Variants in ACSS1 observed in about 807,000 individuals in gnomAD.
The protein encoded by ACSS1 is acyl-CoA synthetase short chain family member 1.
ACSS1 carries 42 observed loss-of-function variants against 75.3 expected under a neutral mutation model. The ratio of observed to expected loss-of-function variants is 0.56; its 90% confidence interval spans 0.44 to 0.72. The LOEUF (loss-of-function observed/expected upper bound fraction) is 0.72, where lower values mean the gene tolerates loss of function less well. Ranked by LOEUF, ACSS1 falls within the 30% of genes least tolerant of loss-of-function variation. The probability of loss-of-function intolerance (pLI) is 0.00; values close to 1 mark genes in which losing one functional copy is unlikely to be tolerated. For missense variants in ACSS1, 782 were observed against 935.7 expected (o/e 0.84, Z 2.14); for synonymous variants, 380 against 376.8 (o/e 1.01, Z -0.10).
chr20:25,011,882 G>A (rs995567193), intron 12 of ACSS1: 1 of 152,568 alleles, frequency 6.6e-6, no homozygotes, highest in Non-Finnish European at 1.5e-5. Flanking sequence ...GGCAGGGCAG[G>A]AGAAGCCAGT....
At position 25,044,356 on chromosome 20, in the gene ACSS1, G is replaced by A. The variant is rs116658731; in HGVS notation, c.431+3729C>T. Among the ~76,000 whole-genome samples the A allele has an allele frequency of 3.1e-3, 475 of 152,324 alleles. 2 individuals are homozygous for A. The highest frequency in any genetic ancestry group is 0.011 in the African/African-American group (440 of 41,580). On this transcript the variant is annotated intron_variant, in intron 2 of 13. Coordinates refer to ENST00000323482, the MANE Select transcript of ACSS1 (RefSeq NM_032501.4). ...TCTAAAACAGGCACCGGCCAGGCGC[G>A]GTGGCTCACACCTGCAATCCCAGTA... is the stretch of plus-strand genomic sequence containing the variant.
intron 3 of ACSS1, 112 bp downstream of exon 3, chr20:25,030,647 C>A: frequency 8.1e-7 from 1 of 1,231,532 alleles, no homozygotes; most frequent in South Asian, 1.3e-5. Context: ...TGTCATTTGT[C>A]TGTGTGACAT....
intron 4 of ACSS1, 29 bp from the exon 5 acceptor site, chr20:25,023,121 C>T (rs2088653621): frequency 6.2e-7 from 1 of 1,600,004 alleles, no homozygotes. Context: ...AAACAGCCCA[C>T]CGAGGGCACT....
chr20:25,050,872 G>A (rs973829865), intron 1 of ACSS1, among the ~76,000 whole-genome samples: 4 of 152,150 alleles, frequency 2.6e-5, no homozygotes, highest in African/African-American at 9.6e-5. Flanking sequence ...AGGATGGACA[G>A]CACCCAGGTG....
At chr20:25,057,588 G>A (rs2089260804) in intron 1 of ACSS1, among the ~76,000 whole-genome samples, 181 bp downstream of exon 1, 1 of 152,216 alleles carries the variant, frequency 6.6e-6, no homozygotes, top group African/African-American at 2.4e-5. Context: ...CCGATGGGAT[G>A]AGGGACGGGG....
rs775565067 is a variant in ACSS1, at chr20:25,057,809, G to A, written c.294C>T (p.Gly98=). ...HTVWDCDFST[G]KIGWFLGGQL... is the part of the protein sequence containing the mutation. ...GGCCTCCCAGGAACCAGCCGATCTT[G>A]CCAGTGCTGAAGTCGCAGTCCCAGA... The change falls in exon 1 of 14, where the codon GGC becomes GGT. Residue 98 remains glycine (G), a synonymous_variant. Transcript: ENST00000323482. 3 of 1,600,714 alleles carry A rather than the reference G, an allele frequency of 1.9e-6. No individual in the cohort carries two copies. The highest frequency in any genetic ancestry group is 8.5e-7 in the Non-Finnish European group (1 of 1,170,574).
At position 25,007,950 on chromosome 20, in the gene ACSS1, G is replaced by A; in HGVS notation, c.1891-9C>T. On this transcript the variant is annotated splice_polypyrimidine_tract_variant and intron_variant, in intron 13 of 13. Coordinates refer to ENST00000323482, the MANE Select transcript of ACSS1 (RefSeq NM_032501.4). ...GGAAGACGTTTCACCACCTGGCAAG[G>A]AACAGGCACAGTGTTAGAGCGTGGA... 1.2e-6 allele frequency: 2 copies of A among 1,613,670 alleles called. No homozygotes were observed. The highest frequency in any genetic ancestry group is 1.7e-6 in the Non-Finnish European group (2 of 1,179,768).
chr20:25,020,487 A>T (rs1256275822), intron 6 of ACSS1, among the ~76,000 whole-genome samples: 1 of 152,186 alleles, frequency 6.6e-6, no homozygotes, highest in East Asian at 1.9e-4. Context: ...ACTCGATCAC[A>T]CTCACATGGG....
chr20:25,044,432 C>T (rs1362748617), intron 2 of ACSS1, among the ~76,000 whole-genome samples: 1 of 152,180 alleles, frequency 6.6e-6, no homozygotes, highest in Non-Finnish European at 1.5e-5. Flanking sequence ...TCCAGACCAA[C>T]CTGGGCAGCA....
At chr20:25,028,862 G>A (rs2088774386) in intron 3 of ACSS1, among the ~76,000 whole-genome samples, 1 of 152,058 alleles carries the variant, frequency 6.6e-6, no homozygotes, top group African/African-American at 2.4e-5. Flanking sequence ...GGAGGTTGCA[G>A]TGAGCTGAGA....
At chr20:25,009,517 C>T in intron 12 of ACSS1, 129 bp from the exon 13 acceptor site, 3 of 744,924 alleles carry the variant, frequency 4.0e-6, no homozygotes, top group Non-Finnish European at 2.3e-6. Flanking sequence ...GACATTGTAG[C>T]AGCTGGTTTC....
At position 25,057,992 on chromosome 20, in the gene ACSS1, C is replaced by A; in HGVS notation, c.111G>T (p.Ala37=). Residue 37 remains alanine, a synonymous_variant, in exon 1 of 14, where the codon GCG becomes GCT. Transcript: ENST00000323482. ...GAGCGCTGCCCGAGGGTCCCGAGGC[C>A]GCCCTGCGCGGCGCGCTCACCCCGC... The part of the protein sequence containing the change: ...PPCGVSAPRR[A]ASGPSGSAPA... 2 of 1,511,536 alleles carry A rather than the reference C, an allele frequency of 1.3e-6. No individual in the cohort carries two copies. Among genetic ancestry groups the A allele is most frequent in the South Asian group, 2.5e-5 (2 of 80,996 alleles). The allele number at this position is 1,511,536 out of a possible 1,614,324, so 93.6% of individuals were successfully genotyped here.
At chr20:25,023,381 A>G (rs1191399438) in intron 4 of ACSS1, 85 bp downstream of exon 4, 1 of 1,543,940 alleles carries the variant, frequency 6.5e-7, no homozygotes, top group African/African-American at 1.4e-5. Flanking sequence ...AGGGAACCCA[A>G]ATTGAGAACC....
In ACSS1 at chr20:25,007,102, G is replaced by C; in HGVS notation, c.*660C>G. 7.1e-7 allele frequency: 1 copy of C among 1,409,156 alleles called. No individual in the cohort carries two copies. Among genetic ancestry groups the C allele is most frequent in the Non-Finnish European group, 9.2e-7 (1 of 1,083,872 alleles). The allele number at this position is 1,409,156 out of a possible 1,614,324, so 87.3% of individuals were successfully genotyped here. The stretch of plus-strand genomic sequence containing the variant: ...ACAGGAGAAACACTCACCAGGAAAA[G>C]ATGCCGGAGGCTTGGAAGTTCTCAA... On this transcript the variant is annotated 3_prime_UTR_variant, in exon 14 of 14. Transcript: ENST00000323482.
At chr20:25,042,168 A>G (rs1156810945) in intron 2 of ACSS1, among the ~76,000 whole-genome samples, 1 of 152,152 alleles carries the variant, frequency 6.6e-6, no homozygotes, top group African/African-American at 2.4e-5. Context: ...GGGCCTCTCT[A>G]AACTACGACG....
At chr20:25,037,001 A>AAGGAAGGAAGGAAGGAAGGAAGGAAGG (rs1568843584) in intron 2 of ACSS1, among the ~76,000 whole-genome samples, 1 of 76,400 alleles carries the variant, frequency 1.3e-5, no homozygotes, top group African/African-American at 4.4e-5. Context: ...AAGAAAGAAG[A>AAGGAAGGAAGGAAGGAAGGAAGGAAGG]AAGAAAGGAA....
chr20:25,007,435 T>C lies in ACSS1; in HGVS notation c.*327A>G. ...CTCTGTGTTATCTGAGCAGGCGCGC[T>C]ATCCCAGGGCCTCACCTTCCTGTGC... On this transcript the variant is annotated 3_prime_UTR_variant, in exon 14 of 14. Coordinates refer to ENST00000323482, the MANE Select transcript of ACSS1 (RefSeq NM_032501.4). 5 of 1,176,670 alleles carry C rather than the reference T, an allele frequency of 4.2e-6. No individual in the cohort carries two copies. The highest frequency in any genetic ancestry group is 5.3e-6 in the Non-Finnish European group (5 of 948,228). 72.9% of individuals were successfully genotyped at this position (1,176,670 alleles called of 1,614,324 possible).
rs182798499 is a variant in ACSS1 at position 25,023,770 on chromosome 20, A to G, written c.632-129T>C. 365 of 911,842 alleles carry G rather than the reference A, an allele frequency of 4.0e-4. 3 individuals are homozygous for G. In the African/African-American group the frequency reaches 5.2e-3, roughly 13 times the overall value. The allele number at this position is 911,842 out of a possible 1,614,324, so 56.5% of individuals were successfully genotyped here. On this transcript the variant is annotated intron_variant, in intron 3 of 13. Transcript: ENST00000323482. ...AGTCCAATCTTGAGTAAAAGACTCAATGGAAAAAGTGAGGGGCTGCCTGCT... is the reference window on the plus strand; with the variant it reads ...AGTCCAATCTTGAGTAAAAGACTCAGTGGAAAAAGTGAGGGGCTGCCTGCT...
At chr20:25,055,919 G>A (rs746684857) in intron 1 of ACSS1, among the ~76,000 whole-genome samples, 10 of 152,278 alleles carry the variant, frequency 6.6e-5, no homozygotes, top group Middle Eastern at 3.4e-3. Context: ...TGCAGACACC[G>A]GCAAAGGAAA....
Sources: gnomAD v4.1 joint callset for allele counts (sites outside exome capture counted in the v4.1 genomes callset) on GRCh38, gnomAD v4.1.1 for gene constraint, MANE v1.5 for transcripts, NCBI Gene and HGNC (gene_info 2026-07-23, HGNC 2026-07-21) for gene names.